MEF2A: variants seen among roughly 807,000 people sequenced by gnomAD.
MEF2A encodes myocyte-specific enhancer factor 2A.
MEF2A carries 28 observed loss-of-function variants against 55.8 expected under a neutral mutation model. The observed-to-expected ratio is 0.50, with a 90% CI of 0.37 to 0.69. The LOEUF is 0.69. MEF2A is among the 30% of genes least tolerant of loss of function. MEF2A has a pLI of 0.00. For synonymous variants in MEF2A, 239 were observed against 227.1 expected, an observed-to-expected ratio of 1.05 and a Z score of -0.47; for missense variants, 528 against 626.2, an observed-to-expected ratio of 0.84 and a Z score of 1.67.
rs2059091464 is a variant in MEF2A at position 99,715,774 on chromosome 15, T to G, written c.*3003T>G. The G allele has an allele frequency of 6.6e-6, 1 of 152,230 alleles. No homozygotes were observed. The highest frequency in any genetic ancestry group is 1.5e-5 in the Non-Finnish European group (1 of 68,038). 9.4% of individuals were successfully genotyped at this position (152,230 alleles called of 1,614,324 possible). On this transcript the variant is annotated 3_prime_UTR_variant, in exon 12 of 12. Transcript: ENST00000557942. ...TAAATTGCACTGGTTAAAGTACAGT[T>G]TCCAACAGCTGTCCTTCCTCAGTAC...
At chr15:99,681,585 T>C (rs548842929) in intron 7 of MEF2A, among the ~76,000 whole-genome samples, 9 of 152,294 alleles carry the variant, frequency 5.9e-5, no homozygotes, top group African/African-American at 1.7e-4. Flanking sequence ...TGTTGCCTTT[T>C]GGGGGCTGCC....
intron 1 of MEF2A, among the ~76,000 whole-genome samples, chr15:99,578,613 T>C (rs2152821908): frequency 6.6e-6 from 1 of 152,318 alleles, no homozygotes; most frequent in East Asian, 1.9e-4. Flanking sequence ...TCTTTTTCCT[T>C]CTCAGCAGAC....
intron 1 of MEF2A, among the ~76,000 whole-genome samples, chr15:99,580,228 G>T (rs1014430276): frequency 4.6e-5 from 7 of 152,132 alleles, no homozygotes; most frequent in Non-Finnish European, 8.8e-5. Context: ...CAATGGCTGG[G>T]ATTTGGTGAC....
At position 99,690,316 on chromosome 15, in the gene MEF2A, T is replaced by C; in HGVS notation, c.746T>C (p.Met249Thr). The change falls in exon 8 of 12, where the codon ATG (methionine) becomes ACG (threonine). Residue 249 changes from methionine (M) to threonine (T), a missense_variant. Transcript: ENST00000557942. ...ATGANSLGKV[M>T]PTKSPPPPGG... ...GGTGCAAATAGCTTAGGCAAAGTCA[T>C]GCCTACAAAGTCTCCCCCTCCACCA... 6.2e-7 allele frequency: 1 copy of C among 1,613,708 alleles called. No homozygotes were observed. Among genetic ancestry groups the C allele is most frequent in the Non-Finnish European group, 8.5e-7 (1 of 1,179,820 alleles).
At chr15:99,671,987 C>G (rs1188812291) in intron 5 of MEF2A, among the ~76,000 whole-genome samples, 5 of 152,104 alleles carry the variant, frequency 3.3e-5, no homozygotes, top group Non-Finnish European at 7.4e-5. Flanking sequence ...TCTTCCAGCT[C>G]TAAAATTCTA....
At chr15:99,669,127 T>C (rs1010647653) in intron 4 of MEF2A, among the ~76,000 whole-genome samples, 8 of 152,230 alleles carry the variant, frequency 5.3e-5, no homozygotes, top group Admixed American at 1.3e-4. Flanking sequence ...CCTTCTTTTT[T>C]CTCTGGCAAT....
chr15:99,699,984 G>GTA (rs145627557), intron 8 of MEF2A, among the ~76,000 whole-genome samples: 2 of 109,672 alleles, frequency 1.8e-5, no homozygotes, highest in African/African-American at 6.5e-5. Flanking sequence ...GTGTGTGTGT[G>GTA]TATATATATA....
chr15:99,660,258 A>G (rs1019029712), intron 4 of MEF2A, among the ~76,000 whole-genome samples: 4 of 152,064 alleles, frequency 2.6e-5, no homozygotes, highest in African/African-American at 9.7e-5. Context: ...CTGGAGTGCA[A>G]TGGCGTGATC....
At chr15:99,603,169 G>C (rs1354336519) in intron 2 of MEF2A, among the ~76,000 whole-genome samples, 1 of 152,068 alleles carries the variant, frequency 6.6e-6, no homozygotes, top group African/African-American at 2.4e-5. Flanking sequence ...ATGGAGTTCA[G>C]AGTATTTTAA....
chr15:99,650,109 G>A (rs145212474), intron 4 of MEF2A, among the ~76,000 whole-genome samples: 1 of 151,750 alleles, frequency 6.6e-6, no homozygotes, highest in Non-Finnish European at 1.5e-5. Context: ...GGCATACTAC[G>A]GTACTTAAAA....
chr15:99,695,732 G>A (rs113432550), intron 8 of MEF2A, among the ~76,000 whole-genome samples: 1 of 151,976 alleles, frequency 6.6e-6, no homozygotes, highest in South Asian at 2.1e-4. Context: ...GGTAGCACAC[G>A]TCTGTAATCC....
chr15:99,580,413 G>A (rs919107782), intron 1 of MEF2A, among the ~76,000 whole-genome samples: 1 of 152,170 alleles, frequency 6.6e-6, no homozygotes, highest in Non-Finnish European at 1.5e-5. Context: ...TTTGAGAGGG[G>A]TGAGGAAAAC....
chr15:99,700,525 A>G (rs1281926723), intron 8 of MEF2A, among the ~76,000 whole-genome samples: 1 of 152,056 alleles, frequency 6.6e-6, no homozygotes, highest in African/African-American at 2.4e-5. Flanking sequence ...CACACAAAAA[A>G]GGTACAGTTG....
At chr15:99,571,120 G>T (rs1285584937) in intron 1 of MEF2A, among the ~76,000 whole-genome samples, 2 of 151,452 alleles carry the variant, frequency 1.3e-5, no homozygotes, top group Non-Finnish European at 2.9e-5. Flanking sequence ...GGAGGCAGAG[G>T]TTGCAGTGAG....
intron 2 of MEF2A, among the ~76,000 whole-genome samples, chr15:99,631,794 G>A (rs1195544291): frequency 6.6e-6 from 1 of 151,974 alleles, no homozygotes; most frequent in Non-Finnish European, 1.5e-5. Flanking sequence ...AAATAATGAG[G>A]GAAGATAAAT....
intron 4 of MEF2A, among the ~76,000 whole-genome samples, chr15:99,662,347 A>G (rs564924996): frequency 5.3e-4 from 81 of 152,350 alleles, no homozygotes; most frequent in Middle Eastern, 3.4e-3. Context: ...GAGTAGCTAG[A>G]AAGAATAGTA....
intron 1 of MEF2A, among the ~76,000 whole-genome samples, chr15:99,585,976 C>T (rs1967103686): frequency 6.6e-6 from 1 of 151,784 alleles, no homozygotes; most frequent in African/African-American, 2.4e-5. Flanking sequence ...GGCTTTTGTC[C>T]CTCAGCAAAA....
intron 2 of MEF2A, among the ~76,000 whole-genome samples, chr15:99,626,064 A>G (rs748807067): frequency 2.6e-5 from 4 of 152,148 alleles, no homozygotes; most frequent in Admixed American, 1.3e-4. Context: ...GAATTCATCA[A>G]TGAAGCCATT....
chr15:99,693,300 G>C (rs1266526790), intron 8 of MEF2A, among the ~76,000 whole-genome samples: 1 of 152,056 alleles, frequency 6.6e-6, no homozygotes, highest in Admixed American at 6.6e-5. Flanking sequence ...ATTATCAAAT[G>C]GTATAACATA....
Sources: allele counts gnomAD v4.1 joint callset (sites outside exome capture counted in the v4.1 genomes callset), GRCh38; gene constraint gnomAD v4.1.1; transcripts MANE v1.5; gene names NCBI Gene and HGNC (gene_info 2026-07-23, HGNC 2026-07-21).